The following PRRC2C variants were observed in gnomAD, a reference collection of about 807,000 sequenced individuals.
PRRC2C encodes protein PRRC2C.
PRRC2C carries 72 observed loss-of-function variants against 317.2 expected under a neutral mutation model. The observed-to-expected ratio is 0.23, with a 90% CI of 0.19 to 0.28. The LOEUF (loss-of-function observed/expected upper bound fraction) is 0.28. Ranked by LOEUF, PRRC2C falls within the 10% of genes least tolerant of loss-of-function variation. PRRC2C has a pLI of 1.00. For synonymous variants in PRRC2C, 1,296 were observed against 1,205.9 expected (o/e 1.07, Z -1.55); for missense variants, 3,074 against 3,459.7 (o/e 0.89, Z 2.80).
rs1193429533 is a variant in PRRC2C at position 171,589,548 on chromosome 1, A to G, written c.8379A>G (p.Leu2793=). The G allele has an allele frequency of 3.9e-5, 50 of 1,289,636 alleles. No individual in the cohort carries two copies. Among genetic ancestry groups the G allele is most frequent in the Non-Finnish European group, 4.9e-5 (48 of 988,850 alleles). 79.9% of individuals were successfully genotyped at this position (1,289,636 alleles called of 1,614,324 possible). The change falls in exon 34 of 35, where the codon CTA becomes CTG. Residue 2793 remains leucine (L), a synonymous_variant. Coordinates refer to ENST00000647382, the MANE Select transcript of PRRC2C (RefSeq NM_001387844.1). Reference sequence around the variant, plus strand: ...TAGCCAGGGGTCCTTGTGGATCACTATCTGGAGTCAGAGGTAATCAGGCCC... The same window carrying G: ...TAGCCAGGGGTCCTTGTGGATCACTGTCTGGAGTCAGAGGTAATCAGGCCC... ...PHVARGPCGS[L]SGVRGNQAQA... is the part of the protein sequence containing the mutation.
intron 15 of PRRC2C, among the ~76,000 whole-genome samples, chr1:171,537,860 C>G (rs1157414586): frequency 2.0e-5 from 3 of 152,034 alleles, no homozygotes; most frequent in African/African-American, 7.2e-5. Flanking sequence ...CGTTCACCAC[C>G]ACACCCCGCT....
chr1:171,541,568 C>T lies in PRRC2C; in HGVS notation c.4102C>T (p.Arg1368Ter). The T allele has an allele frequency of 6.2e-7, 1 of 1,613,714 alleles. No individual in the cohort carries two copies. Among genetic ancestry groups the T allele is most frequent in the Non-Finnish European group, 8.5e-7 (1 of 1,179,836 alleles). Residue 1368 changes from arginine to a stop codon, truncating the protein, a stop_gained, in exon 16 of 35, where the codon CGA (arginine) becomes TGA (stop). Coordinates refer to ENST00000647382, the MANE Select transcript of PRRC2C (RefSeq NM_001387844.1). LOFTEE classifies it high-confidence loss of function. The surrounding 1 kb of genome is among the most constrained non-coding windows in gnomAD (Gnocchi z 4.1). ...GGRPSRPSTL[R>*]RPAYRDNQWN... ...CCGTCCATCACGCCCTTCCACTTTA[C>T]GAAGACCAGCTTATCGGGACAATCA...
intron 24 of PRRC2C, among the ~76,000 whole-genome samples, chr1:171,573,523 G>A (rs1685136374): frequency 6.6e-6 from 1 of 151,804 alleles, no homozygotes; most frequent in South Asian, 2.1e-4. Context: ...GTGATTTTGA[G>A]AAAAAGAAAA....
At chr1:171,490,156 A>G (rs1300292841) in intron 1 of PRRC2C, among the ~76,000 whole-genome samples, 1 of 152,134 alleles carries the variant, frequency 6.6e-6, no homozygotes, top group Middle Eastern at 3.2e-3. Context: ...TGACCTCGTG[A>G]TCCGCCCACC....
At chr1:171,512,339 AT>A in intron 2 of PRRC2C, 139 bp downstream of exon 2, 3 of 638,382 alleles carry the variant, frequency 4.7e-6, no homozygotes, top group Non-Finnish European at 8.8e-6. Flanking sequence ...GCATGCACAC[AT>A]TTTTCAGAGG....
At position 171,577,519 on chromosome 1, in the gene PRRC2C, G is replaced by A. The variant is rs375743937; in HGVS notation, c.7041G>A (p.Gln2347=). ...DPPNICKVKP[Q]QLQTSSLPSA... is the part of the protein sequence containing the mutation. Reference sequence around the variant, plus strand: ...CAAATATTTGTAAAGTGAAACCTCAGCAGTTACAGACAAGCAGCCTGCCTT... The same window carrying A: ...CAAATATTTGTAAAGTGAAACCTCAACAGTTACAGACAAGCAGCCTGCCTT... The change falls in exon 26 of 35, where the codon CAG becomes CAA. Residue 2347 remains glutamine (Q), a synonymous_variant. Transcript: ENST00000647382. 9.3e-6 allele frequency: 15 copies of A among 1,612,896 alleles called. No individual in the cohort carries two copies. The highest frequency in any genetic ancestry group is 1.3e-5 in the African/African-American group (1 of 74,886).
At position 171,532,406 on chromosome 1, in the gene PRRC2C, G is replaced by A; in HGVS notation, c.1318G>A (p.Val440Ile). 1 of 1,613,968 alleles carries A rather than the reference G, an allele frequency of 6.2e-7. No homozygotes were observed. Among genetic ancestry groups the A allele is most frequent in the Non-Finnish European group, 8.5e-7 (1 of 1,179,892 alleles). Residue 440 changes from valine (V) to isoleucine (I), a missense_variant, in exon 12 of 35, where the codon GTA becomes ATA. Around this residue, in one of 11 missense-constraint regions of PRRC2C, gnomAD observed 1,320 missense variants for 1,395.7 expected, o/e 0.95. Transcript: ENST00000647382. ...AGGCCCCTTTCCCTCCAAGCAGCAA[G>A]TAGCTGATGAAGATGAAATATGGAA... Reference protein sequence around the residue: ...RPGPFPSKQQVADEDEIWKQR... With the variant: ...RPGPFPSKQQIADEDEIWKQR...
chr1:171,535,892 CTT>C, intron 13 of PRRC2C, 135 bp from the exon 14 acceptor site: 1 of 1,197,678 alleles, frequency 8.3e-7, no homozygotes, highest in Non-Finnish European at 1.2e-6. Flanking sequence ...CTTGCCAACT[CTT>C]AACTGTTAAA....
intron 1 of PRRC2C, among the ~76,000 whole-genome samples, chr1:171,501,553 A>G (rs891551384): frequency 6.6e-6 from 1 of 152,248 alleles, no homozygotes; most frequent in African/African-American, 2.4e-5. Context: ...AAACAGAGAA[A>G]GAAAGGTGTG....
intron 20 of PRRC2C, among the ~76,000 whole-genome samples, chr1:171,563,661 C>A (rs991560162): frequency 3.3e-5 from 5 of 152,110 alleles, no homozygotes; most frequent in Non-Finnish European, 7.4e-5. Flanking sequence ...ACTTCTGTCT[C>A]CACTCCAGTT....
intron 26 of PRRC2C, 143 bp from the exon 27 acceptor site, chr1:171,579,211 C>CA: frequency 1.7e-6 from 2 of 1,147,120 alleles, no homozygotes; most frequent in Non-Finnish European, 2.4e-6. Flanking sequence ...TGCATCTTGT[C>CA]ACGTTTTTAG....
chr1:171,531,024 A>G (rs1266507726), intron 11 of PRRC2C, among the ~76,000 whole-genome samples: 2 of 152,212 alleles, frequency 1.3e-5, no homozygotes, highest in African/African-American at 2.4e-5. Context: ...ACGTGCCCAC[A>G]ATGGAATACT....
chr1:171,548,431 C>A (rs1679579718), intron 17 of PRRC2C, among the ~76,000 whole-genome samples: 1 of 152,186 alleles, frequency 6.6e-6, no homozygotes, highest in Non-Finnish European at 1.5e-5. Flanking sequence ...ATCACCTTCC[C>A]TTGTTGCTGT....
chr1:171,517,867 T>C, intron 6 of PRRC2C, 53 bp downstream of exon 6: 1 of 1,502,218 alleles, frequency 6.7e-7, no homozygotes. Flanking sequence ...TGATCTGGGG[T>C]CCAAGGAGCG....
chr1:171,517,925 C>T (rs1418724444), intron 6 of PRRC2C, 111 bp downstream of exon 6: 23 of 839,126 alleles, frequency 2.7e-5, no homozygotes, highest in Non-Finnish European at 4.2e-5. Flanking sequence ...TAACATCTAA[C>T]TAAAAATTAG....
chr1:171,590,688 T>C (rs1405573045), intron 34 of PRRC2C, among the ~76,000 whole-genome samples: 4 of 152,234 alleles, frequency 2.6e-5, no homozygotes, highest in Admixed American at 6.5e-5. Context: ...TATCTACTTT[T>C]ATTAAGGCTG....
chr1:171,512,301 A>G, intron 2 of PRRC2C, 101 bp downstream of exon 2: 1 of 830,438 alleles, frequency 1.2e-6, no homozygotes, highest in Non-Finnish European at 2.0e-6. Context: ...CCAAGTTAAT[A>G]CAATGCTATT....
chr1:171,557,179 T>G, intron 18 of PRRC2C, 61 bp from the exon 19 acceptor site: 2 of 1,472,860 alleles, frequency 1.4e-6, no homozygotes, highest in South Asian at 1.4e-5. Context: ...AAAAGTTGCA[T>G]TTATGAACTG....
chr1:171,576,028 A>G (rs1335584332), intron 25 of PRRC2C, among the ~76,000 whole-genome samples: 4 of 152,048 alleles, frequency 2.6e-5, no homozygotes, highest in African/African-American at 4.8e-5. Context: ...TCAGAAGTAT[A>G]TATTAACACA....
Sources: allele counts gnomAD v4.1 joint callset (sites outside exome capture counted in the v4.1 genomes callset), GRCh38; gene constraint gnomAD v4.1.1; regional missense constraint gnomAD v4.1.1; non-coding constraint Gnocchi (gnomAD v3.1); transcripts MANE v1.5; gene names NCBI Gene and HGNC (gene_info 2026-07-23, HGNC 2026-07-21).